MKLN1: variants seen among roughly 807,000 people sequenced by gnomAD.
MKLN1 encodes muskelin.
A neutral mutation model predicts 99.0 loss-of-function variants in MKLN1; 18 were observed. The ratio of observed to expected loss-of-function variants is 0.18; its 90% CI spans 0.13 to 0.27. The LOEUF is 0.27. Ranked by LOEUF, MKLN1 falls within the 10% of genes least tolerant of loss-of-function variation. MKLN1 has a pLI of 1.00. For missense variants in MKLN1, 621 were observed against 875.9 expected (o/e 0.71, Z 3.67); for synonymous variants, 288 against 293.2 (o/e 0.98, Z 0.18).
chr7:131,474,979 CAT>C (rs1173630228), intron 16 of MKLN1, among the ~76,000 whole-genome samples: 1 of 152,048 alleles, frequency 6.6e-6, no homozygotes, highest in Non-Finnish European at 1.5e-5. Context: ...AAATGCCACA[CAT>C]GTTTAAACCA....
chr7:131,175,185 CAGATAGAT>C lies in MKLN1; in HGVS notation c.-296-27656_-296-27649del, dbSNP rs72403035. Among the ~76,000 whole-genome samples, 1,270 of 140,802 alleles carry C rather than the reference CAGATAGAT, an allele frequency of 9.0e-3. 13 individuals carry two copies. The highest frequency in any genetic ancestry group is 0.031 in the African/African-American group (1,113 of 36,272). The allele number at this position is 140,802 out of a possible 152,430, so 92.4% of individuals were successfully genotyped here. On this transcript the variant is annotated intron_variant, in intron 2 of 7. Transcript: ENST00000416992. ...AGATAGATTAGATTAGATAGATAGA[CAGATAGAT>C]AGATAGATAGATAGAATGGATGGAT...
chr7:131,248,845 G>T (rs1797535870), intron 3 of MKLN1, among the ~76,000 whole-genome samples: 1 of 152,156 alleles, frequency 6.6e-6, no homozygotes, highest in Non-Finnish European at 1.5e-5. Context: ...GGTCTCTCTT[G>T]TCCTGGCTTC....
At chr7:131,175,917 A>C (rs1185598075) in intron 2 of MKLN1, among the ~76,000 whole-genome samples, 1 of 151,996 alleles carries the variant, frequency 6.6e-6, no homozygotes, top group African/African-American at 2.4e-5. Context: ...ACCAAAAAAC[A>C]AATATTACTC....
intron 3 of MKLN1, among the ~76,000 whole-genome samples, chr7:131,215,189 C>T (rs1156832038): frequency 6.6e-5 from 10 of 151,064 alleles, no homozygotes; most frequent in African/African-American, 2.2e-4. Context: ...GCTGGGATTA[C>T]AGGAATGCAC....
At chr7:131,225,742 C>T (rs1167686402) in intron 3 of MKLN1, among the ~76,000 whole-genome samples, 1 of 152,162 alleles carries the variant, frequency 6.6e-6, no homozygotes, top group Non-Finnish European at 1.5e-5. Flanking sequence ...TGGGTCTTTG[C>T]CAGGAAAACC....
chr7:131,296,294 TGA>T (rs1798290494), intron 3 of MKLN1, among the ~76,000 whole-genome samples: 1 of 152,220 alleles, frequency 6.6e-6, no homozygotes, highest in African/African-American at 2.4e-5. Flanking sequence ...GCCCATCCAA[TGA>T]TTAAAACATC....
chr7:131,187,401 G>A (rs1796467883), intron 2 of MKLN1, among the ~76,000 whole-genome samples: 1 of 150,670 alleles, frequency 6.6e-6, no homozygotes, highest in Non-Finnish European at 1.5e-5. Flanking sequence ...AGATGTTTTT[G>A]CATAGTAACG....
At chr7:131,375,332 C>T (rs1181085269) in intron 1 of MKLN1, 92 bp from the exon 2 acceptor site, 1 of 802,266 alleles carries the variant, frequency 1.2e-6, no homozygotes. Context: ...CCAAACATTA[C>T]ATAACTTTAT....
intron 7 of MKLN1, among the ~76,000 whole-genome samples, chr7:131,413,350 C>T (rs1384069806): frequency 6.6e-6 from 1 of 152,050 alleles, no homozygotes; most frequent in Non-Finnish European, 1.5e-5. Context: ...TTTCATAGCA[C>T]CCTTGTAAAA....
intron 3 of MKLN1, among the ~76,000 whole-genome samples, chr7:131,232,671 A>T (rs1458405288): frequency 1.3e-5 from 2 of 152,176 alleles, no homozygotes; most frequent in Non-Finnish European, 2.9e-5. Context: ...TGTTAAAATG[A>T]AAAACTGTAC....
chr7:131,374,058 A>T (rs1347088877), intron 1 of MKLN1, among the ~76,000 whole-genome samples: 1 of 151,998 alleles, frequency 6.6e-6, no homozygotes, highest in Non-Finnish European at 1.5e-5. Flanking sequence ...TACCACTTAA[A>T]TTTTTTTAGC....
intron 1 of MKLN1, among the ~76,000 whole-genome samples, chr7:131,353,561 C>T (rs1416164790): frequency 1.3e-5 from 2 of 152,024 alleles, no homozygotes; most frequent in African/African-American, 2.4e-5. Context: ...TACGTTCTCC[C>T]AGTCTTTAGC....
At position 131,359,606 on chromosome 7, in the gene MKLN1, C is replaced by A. The variant is rs566376702; in HGVS notation, c.99-15818C>A. Reference sequence around the variant, plus strand: ...ATTGATGTGTCCAATTATAATAATGCTTCTTGAACTTCTGTCAGTTTCTCT... The same window carrying A: ...ATTGATGTGTCCAATTATAATAATGATTCTTGAACTTCTGTCAGTTTCTCT... On this transcript the variant is annotated intron_variant, in intron 1 of 17. Coordinates refer to ENST00000352689, the MANE Select transcript of MKLN1 (RefSeq NM_013255.5). Among the ~76,000 whole-genome samples, 5 of 152,238 alleles carry A rather than the reference C, an allele frequency of 3.3e-5. No individual in the cohort carries two copies. In the East Asian group the frequency reaches 9.6e-4, roughly 29 times the overall value.
In MKLN1 at chr7:131,283,360, CCTT is replaced by C. The variant is rs1168982072; in HGVS notation, c.-179+80388_-179+80390del. ...CTTCCCTTCCCCTCCTTCCTTCCTT[CCTT>C]CCTTCCTTCCTTCCTTCCTTCCTTC... On this transcript the variant is annotated intron_variant, in intron 3 of 7. Coordinates refer to the MKLN1 transcript ENST00000416992. Among the ~76,000 whole-genome samples, 97 of 90,536 alleles carry C rather than the reference CCTT, an allele frequency of 1.1e-3. 2 individuals carry two copies. The highest frequency in any genetic ancestry group is 4.4e-3 in the African/African-American group (85 of 19,200). 59.4% of individuals were successfully genotyped at this position (90,536 alleles called of 152,430 possible). A position where few individuals can be genotyped will look rare whatever the true frequency, so the allele number is the denominator to read the frequency against.
chr7:131,328,057 A>T, intron 1 of MKLN1, 60 bp downstream of exon 1: 1 of 1,565,696 alleles, frequency 6.4e-7, no homozygotes. Context: ...CGGTTGGGCC[A>T]GGGGTGCAAT....
chr7:131,208,663 T>A (rs1264190550), intron 3 of MKLN1, among the ~76,000 whole-genome samples: 1 of 152,164 alleles, frequency 6.6e-6, no homozygotes, highest in Non-Finnish European at 1.5e-5. Context: ...TTCTTAATAC[T>A]TCTACTTAAA....
chr7:131,169,128 G>A (rs552283531), intron 2 of MKLN1, among the ~76,000 whole-genome samples: 27 of 152,286 alleles, frequency 1.8e-4, no homozygotes, highest in African/African-American at 6.5e-4. Flanking sequence ...GCCTCCCAAA[G>A]TGCTGGGATT....
chr7:131,258,889 G>A (rs1433915199), intron 3 of MKLN1, among the ~76,000 whole-genome samples: 4 of 152,070 alleles, frequency 2.6e-5, no homozygotes, highest in African/African-American at 9.7e-5. Flanking sequence ...TGATTTACAG[G>A]GTGCCTTTGA....
upstream of MKLN1, among the ~76,000 whole-genome samples, chr7:131,326,568 C>T (rs1242845493): frequency 6.6e-6 from 1 of 152,172 alleles, no homozygotes; most frequent in Non-Finnish European, 1.5e-5. Flanking sequence ...TGGTTTCGAA[C>T]TCCTGACCTC....
Sources: gnomAD v4.1 joint callset for allele counts (sites outside exome capture counted in the v4.1 genomes callset) on GRCh38, gnomAD v4.1.1 for gene constraint, MANE v1.5 for transcripts, NCBI Gene and HGNC (gene_info 2026-07-23, HGNC 2026-07-21) for gene names.